DPP6: variants seen among roughly 807,000 people sequenced by gnomAD.
DPP6 encodes dipeptidyl peptidase like 6.
DPP6 carries 69 observed loss-of-function variants against 122.6 expected under a neutral mutation model. The observed-to-expected ratio is 0.56, with a 90% CI of 0.46 to 0.69. The LOEUF (loss-of-function observed/expected upper bound fraction) is 0.69. DPP6 is among the 30% of genes least tolerant of loss of function. DPP6 has a pLI of 0.00. For missense variants in DPP6, 928 were observed against 1,116.9 expected, an observed-to-expected ratio of 0.83 and a Z score of 2.41; for synonymous variants, 418 against 433.1, an observed-to-expected ratio of 0.97 and a Z score of 0.43.
rs555197023 is a variant in DPP6 at position 154,075,182 on chromosome 7, G to C, written c.243+22119G>C. 8.6e-4 allele frequency among the ~76,000 whole-genome samples: 131 copies of C among 151,856 alleles called. 1 individual carries two copies. Among genetic ancestry groups the C allele is most frequent in the African/African-American group, 3.0e-3 (124 of 41,438 alleles). On this transcript the variant is annotated intron_variant, in intron 1 of 25. Coordinates refer to ENST00000377770, the MANE Select transcript of DPP6 (RefSeq NM_130797.4). ...GATGTTGGCATGGATATGGTGAAAAGGGAGCACTTCTACACTGCTTGTAGG... is the reference window on the plus strand; with the variant it reads ...GATGTTGGCATGGATATGGTGAAAACGGAGCACTTCTACACTGCTTGTAGG...
At chr7:154,801,683 C>T (rs542483758) in intron 13 of DPP6, among the ~76,000 whole-genome samples, 84 of 152,090 alleles carry the variant, frequency 5.5e-4, no homozygotes, top group Non-Finnish European at 1.0e-3. Flanking sequence ...ATGTGAATGA[C>T]GCTTCTGCCA....
At chr7:154,245,579 T>C (rs1174023782) in intron 1 of DPP6, among the ~76,000 whole-genome samples, 1 of 142,896 alleles carries the variant, frequency 7.0e-6, no homozygotes, top group Non-Finnish European at 1.5e-5. Context: ...GAGGTTGCAG[T>C]GAGCTGAGAT....
chr7:154,537,170 T>G (rs1407413126), intron 3 of DPP6, among the ~76,000 whole-genome samples: 1 of 152,134 alleles, frequency 6.6e-6, no homozygotes, highest in Non-Finnish European at 1.5e-5. Flanking sequence ...GAATATTTCA[T>G]ATGGGATGTA....
chr7:154,773,863 A>G (rs1484732210), intron 10 of DPP6, among the ~76,000 whole-genome samples: 1 of 152,208 alleles, frequency 6.6e-6, no homozygotes, highest in Non-Finnish European at 1.5e-5. Context: ...TGGATGCTCC[A>G]GCACCTGGTG....
chr7:154,155,435 C>T lies in DPP6; in HGVS notation c.243+102372C>T, dbSNP rs557387027. Among the ~76,000 whole-genome samples, 293 of 152,256 alleles carry T rather than the reference C, an allele frequency of 1.9e-3. 2 individuals carry two copies. The highest frequency in any genetic ancestry group is 6.7e-3 in the African/African-American group (280 of 41,552). On this transcript the variant is annotated intron_variant, in intron 1 of 25. Coordinates refer to ENST00000377770, the MANE Select transcript of DPP6 (RefSeq NM_130797.4). The stretch of plus-strand genomic sequence containing the variant: ...GCAGAGACAGGCAGGTCAGAGGCTG[C>T]ATCTGTTAAATTAGGGTCCAGGCCA...
chr7:154,235,274 G>A (rs970214542), intron 1 of DPP6, among the ~76,000 whole-genome samples: 1 of 152,146 alleles, frequency 6.6e-6, no homozygotes, highest in African/African-American at 2.4e-5. Context: ...ATCATATCGT[G>A]TGTGTTTTCT....
chr7:154,058,866 G>GA (rs1801209395), intron 1 of DPP6: 1 of 129,312 alleles, frequency 7.7e-6, no homozygotes, highest in Non-Finnish European at 1.6e-5. Flanking sequence ...CCCATCGCAG[G>GA]TGGGGAGGCA....
chr7:153,861,253 T>A, the DPP6 span, among the ~76,000 whole-genome samples: 1 of 152,226 alleles, frequency 6.6e-6, no homozygotes, highest in East Asian at 1.9e-4. Context: ...TTTATATGCA[T>A]GAAAATAGAG....
chr7:154,795,872 C>T lies in DPP6; in HGVS notation c.1288C>T (p.Leu430Phe), dbSNP rs1175336184. ...ACACGAGGATGAAAGTGAGGCCTGG[C>T]TCCACAGACAGGTAACTACTGCATG... ...KKHEDESEAW[L>F]HRQNEEPVFS... The change falls in exon 12 of 26, where the codon CTC becomes TTC. Residue 430 changes from leucine to phenylalanine, a missense_variant. By Grantham distance (22) the Leu-to-Phe change is conservative. Coordinates refer to ENST00000377770, the MANE Select transcript of DPP6 (RefSeq NM_130797.4). 1 of 1,612,688 alleles carries T rather than the reference C, an allele frequency of 6.2e-7. No homozygotes were observed. The highest frequency in any genetic ancestry group is 1.3e-5 in the African/African-American group (1 of 75,022).
At chr7:154,793,713 G>T (rs769950966) in intron 10 of DPP6, 13 of 167,590 alleles carry the variant, frequency 7.8e-5, no homozygotes, top group Middle Eastern at 2.7e-3. Flanking sequence ...CCGGTCAGGT[G>T]GTTAGTTGTG....
chr7:154,808,021 TATG>T (rs1216641993), intron 16 of DPP6, among the ~76,000 whole-genome samples: 54 of 152,310 alleles, frequency 3.5e-4, no homozygotes, highest in Non-Finnish European at 5.9e-5. Context: ...CTTGGAAAGA[TATG>T]ATATGAACCC....
chr7:154,453,554 A>G (rs1329759460), intron 2 of DPP6, among the ~76,000 whole-genome samples: 2 of 149,816 alleles, frequency 1.3e-5, no homozygotes, highest in Admixed American at 1.3e-4. Context: ...TTATATAGAT[A>G]TTAAATATAT....
chr7:154,258,723 C>T (rs1245889108), intron 1 of DPP6, among the ~76,000 whole-genome samples: 1 of 152,128 alleles, frequency 6.6e-6, no homozygotes, highest in Non-Finnish European at 1.5e-5. Context: ...CAGAGTTCTG[C>T]TCTAAGAAAA....
chr7:153,833,197 G>A, the DPP6 span, among the ~76,000 whole-genome samples: 22 of 152,284 alleles, frequency 1.4e-4, no homozygotes, highest in Non-Finnish European at 1.9e-4. Context: ...CTGCATGCAC[G>A]CTGCAAAGGG....
rs796704470 is a variant in DPP6, at chr7:154,614,599, G to A, written c.628-23222G>A. ...CCATGTTTCTCTGAACTATTTGGTG[G>A]TTTCATGATTGCTTGTGCTTAAATT... is the stretch of plus-strand genomic sequence containing the variant. On this transcript the variant is annotated intron_variant, in intron 5 of 25. Transcript: ENST00000377770. 7.9e-5 allele frequency among the ~76,000 whole-genome samples: 12 copies of A among 152,178 alleles called. 1 individual carries two copies. The highest frequency in any genetic ancestry group is 2.9e-4 in the African/African-American group (12 of 41,532).
intron 1 of DPP6, among the ~76,000 whole-genome samples, chr7:154,141,948 TC>T (rs1411983286): frequency 6.6e-6 from 1 of 152,168 alleles, no homozygotes; most frequent in East Asian, 1.9e-4. Context: ...TAATGCTAGT[TC>T]CTTGCTTGCA....
At chr7:153,778,796 C>T in the DPP6 span, among the ~76,000 whole-genome samples, 7 of 151,438 alleles carry the variant, frequency 4.6e-5, no homozygotes, top group Non-Finnish European at 7.4e-5. Context: ...TAAAGTTAGA[C>T]ATTCCTTTAC....
At chr7:154,372,167 G>A (rs941215737) in intron 1 of DPP6, among the ~76,000 whole-genome samples, 4 of 152,072 alleles carry the variant, frequency 2.6e-5, no homozygotes, top group African/African-American at 7.2e-5. Context: ...TCATGTTGTC[G>A]GATCACATTC....
At chr7:154,871,745 A>C (rs1338089158) in intron 18 of DPP6, among the ~76,000 whole-genome samples, 1 of 152,136 alleles carries the variant, frequency 6.6e-6, no homozygotes, top group Non-Finnish European at 1.5e-5. Context: ...CTGGCTGCCC[A>C]GCCAGCCACC....
Sources: gnomAD v4.1 joint callset for allele counts (sites outside exome capture counted in the v4.1 genomes callset) on GRCh38, gnomAD v4.1.1 for gene constraint, MANE v1.5 for transcripts, NCBI Gene and HGNC (gene_info 2026-07-23, HGNC 2026-07-21) for gene names.